The following FGF13 variants were observed in gnomAD, a reference collection of about 807,000 sequenced individuals.
FGF13 encodes fibroblast growth factor 13, also known as fibroblast growth factor homologous factor 2.
A neutral mutation model predicts 19.5 loss-of-function variants in FGF13; 2 were observed. The observed-to-expected ratio is 0.10, with a 90% CI of 0.04 to 0.32. The LOEUF (loss-of-function observed/expected upper bound fraction) is 0.32. Ranked by LOEUF, FGF13 falls within the 10% of genes least tolerant of loss-of-function variation. The pLI is 1.00. For missense variants in FGF13, 113 were observed against 192.7 expected (o/e 0.59, Z 2.45); for synonymous variants, 72 against 76.9 (o/e 0.94, Z 0.33).
At chrX:139,024,651 T>C (rs994490074) in intron 1 of FGF13, among the ~76,000 whole-genome samples, 10 of 111,541 alleles carry the variant, frequency 9.0e-5, no homozygotes, top group African/African-American at 2.9e-4. Flanking sequence ...ATATACTTCC[T>C]AAACTTGACA....
intron 3 of FGF13, among the ~76,000 whole-genome samples, chrX:138,768,755 A>ATATATATATGATAT (rs1569388532): frequency 9.7e-6 from 1 of 102,695 alleles, no homozygotes; most frequent in African/African-American, 3.6e-5. Flanking sequence ...ATATATATAT[A>ATATATATATGATAT]ATTTCACAAG....
chrX:139,158,980 C>A (rs2084003841), intron 1 of FGF13, among the ~76,000 whole-genome samples: 2 of 111,312 alleles, frequency 1.8e-5, no homozygotes. Context: ...ACAGAGAACA[C>A]CATAAAGATA....
chrX:138,905,284 A>G (rs2091551812), intron 1 of FGF13, among the ~76,000 whole-genome samples: 1 of 111,880 alleles, frequency 8.9e-6, no homozygotes, highest in Non-Finnish European at 1.9e-5. Flanking sequence ...TCTCCTCTAA[A>G]AGGAATAATA....
chrX:138,891,892 C>T (rs1451433633), intron 1 of FGF13, among the ~76,000 whole-genome samples: 2 of 110,663 alleles, frequency 1.8e-5, no homozygotes, highest in African/African-American at 6.6e-5. Context: ...TTTTGGGACT[C>T]GGACTGACTC....
At chrX:138,850,259 T>C (rs1415756688) in intron 3 of FGF13, among the ~76,000 whole-genome samples, 1 of 111,992 alleles carries the variant, frequency 8.9e-6, no homozygotes, top group East Asian at 2.8e-4. Context: ...TACTGGCTAC[T>C]ATACATACTC....
intron 1 of FGF13, among the ~76,000 whole-genome samples, chrX:139,130,887 T>C (rs2083755306): frequency 8.9e-6 from 1 of 112,007 alleles, no homozygotes; most frequent in Middle Eastern, 4.3e-3. Context: ...AAAAATATTA[T>C]TTTAATTACG....
chrX:138,921,718 A>G (rs915469197), intron 1 of FGF13, among the ~76,000 whole-genome samples: 3 of 111,171 alleles, frequency 2.7e-5, no homozygotes, highest in African/African-American at 9.8e-5. Flanking sequence ...AGGCGTGAGA[A>G]CAGACTTGAC....
intron 1 of FGF13, among the ~76,000 whole-genome samples, chrX:138,880,778 T>C (rs1156620904): frequency 8.9e-6 from 1 of 112,260 alleles, no homozygotes; most frequent in Non-Finnish European, 1.9e-5. Flanking sequence ...TCTACGCTAT[T>C]AGTCTATATG....
At position 139,026,044 on chromosome X, in the gene FGF13, C is replaced by T. The variant is rs774943210; in HGVS notation, c.-112-161394G>A. ...GCCTGCCACAGGATTCAGAACTAGA[C>T]TTGACATGTGTATGCTTAATGTGGC... On this transcript the variant is annotated intron_variant, in intron 1 of 2. Coordinates refer to the FGF13 transcript ENST00000421460. Among the ~76,000 whole-genome samples the T allele has an allele frequency of 1.1e-4, 12 of 111,396 alleles. 1 individual carries two copies. The South Asian group carries it at 4.2e-3, about 39-fold the overall frequency.
chrX:138,821,135 G>A (rs2090996477), intron 3 of FGF13, among the ~76,000 whole-genome samples: 1 of 111,451 alleles, frequency 9.0e-6, no homozygotes, highest in Non-Finnish European at 1.9e-5. Flanking sequence ...AGGCTAGATA[G>A]GAGAATGTGG....
intron 3 of FGF13, among the ~76,000 whole-genome samples, chrX:138,841,744 A>T (rs1202289782): frequency 8.9e-6 from 1 of 111,750 alleles, no homozygotes; most frequent in Non-Finnish European, 1.9e-5. Flanking sequence ...CTTTTGGAGT[A>T]TTAATTTCTC....
At chrX:138,834,203 G>A (rs2091094799) in intron 3 of FGF13, among the ~76,000 whole-genome samples, 1 of 111,899 alleles carries the variant, frequency 8.9e-6, no homozygotes, top group African/African-American at 3.3e-5. Context: ...CAATTTTTTG[G>A]AACATTTTCA....
At chrX:138,633,482 TAGA>T (rs901578905) in intron 4 of FGF13, among the ~76,000 whole-genome samples, 11 of 111,990 alleles carry the variant, frequency 9.8e-5, no homozygotes, top group African/African-American at 3.6e-4. Context: ...ATAAACCTCT[TAGA>T]AGTTTAAATA....
At chrX:139,039,075 A>T (rs1377512654) in intron 1 of FGF13, among the ~76,000 whole-genome samples, 3 of 112,275 alleles carry the variant, frequency 2.7e-5, no homozygotes, top group Non-Finnish European at 5.6e-5. Flanking sequence ...ATTTGAAACC[A>T]AGCCTTCTTT....
Position 138,630,833 on chromosome X carries a change from T to C in FGF13, c.*2017A>G, listed in dbSNP as rs1342054682. The C allele has an allele frequency of 8.9e-6, 1 of 112,288 alleles. No homozygotes were observed. Among genetic ancestry groups the C allele is most frequent in the African/African-American group, 3.2e-5 (1 of 30,930 alleles). 9.3% of individuals were successfully genotyped at this position (112,288 alleles called of 1,213,427 possible). A position where few individuals can be genotyped will look rare whatever the true frequency, so the allele number is the denominator to read the frequency against. On this transcript the variant is annotated 3_prime_UTR_variant, in exon 5 of 5. Coordinates refer to ENST00000315930, the MANE Select transcript of FGF13 (RefSeq NM_004114.5). Reference sequence around the variant, plus strand: ...ACCCATCTTAAGTTGAAAATGCATTTAATACACCTAACCTAGCAAACATCA... The same window carrying C: ...ACCCATCTTAAGTTGAAAATGCATTCAATACACCTAACCTAGCAAACATCA...
At chrX:138,739,906 G>A (rs186043228), upstream of FGF13, among the ~76,000 whole-genome samples, 825 of 112,026 alleles carry the variant, frequency 7.4e-3, 6 homozygotes, top group African/African-American at 0.025. Context: ...TCATATCAAA[G>A]TCCCTTGTTA....
intron 3 of FGF13, among the ~76,000 whole-genome samples, chrX:138,672,484 A>G (rs1277804246): frequency 8.9e-6 from 1 of 112,042 alleles, no homozygotes; most frequent in Admixed American, 9.5e-5. Context: ...GAAAACTCCA[A>G]GGATGTTGAC....
Position 139,007,814 on chromosome X carries a change from G to A in FGF13, c.-112-143164C>T, listed in dbSNP as rs143404556. On this transcript the variant is annotated intron_variant, in intron 1 of 2. Transcript: ENST00000421460. ...CAAAGGAATCCACAGACCCTTTGAA[G>A]GAACTGGATCACCACTGCAGGCTCC... Among the ~76,000 whole-genome samples the A allele has an allele frequency of 7.8e-3, 875 of 112,349 alleles. 33 individuals carry two copies. The highest frequency in any genetic ancestry group is 0.073 in the Admixed American group (773 of 10,656).
intron 3 of FGF13, among the ~76,000 whole-genome samples, chrX:138,672,300 G>C (rs2089622216): frequency 8.9e-6 from 1 of 111,848 alleles, no homozygotes; most frequent in Admixed American, 9.5e-5. Context: ...AAGGATGGAA[G>C]CAGGGATGCT....
Sources: gnomAD v4.1 joint callset for allele counts (sites outside exome capture counted in the v4.1 genomes callset) on GRCh38, gnomAD v4.1.1 for gene constraint, MANE v1.5 for transcripts, NCBI Gene and HGNC (gene_info 2026-07-23, HGNC 2026-07-21) for gene names.